PLCH1: variants seen among roughly 807,000 people sequenced by gnomAD.
PLCH1 encodes 1-phosphatidylinositol 4,5-bisphosphate phosphodiesterase eta-1.
Under a neutral mutation model 126.7 loss-of-function variants are expected in PLCH1, and 60 were observed. The observed-to-expected ratio is 0.47, with a 90% CI of 0.38 to 0.59. The LOEUF (loss-of-function observed/expected upper bound fraction) is 0.59, where lower values mean the gene tolerates loss of function less well. Ranked by LOEUF, PLCH1 falls within the 20% of genes least tolerant of loss-of-function variation. The pLI, the probability that PLCH1 is intolerant of heterozygous loss-of-function variation, is 0.00. For synonymous variants in PLCH1, 719 were observed against 734.9 expected (o/e 0.98, Z 0.35); for missense variants, 1,723 against 2,040.0 (o/e 0.84, Z 2.99).
In PLCH1 at chr3:155,723,132, A is replaced by G. The variant is rs575106862; in HGVS notation, c.-40-18868T>C. Among the ~76,000 whole-genome samples, 19 of 152,272 alleles carry G rather than the reference A, an allele frequency of 1.2e-4. No individual in the cohort carries two copies. The East Asian group carries it at 3.5e-3, about 28-fold the overall frequency. On this transcript the variant is annotated intron_variant, in intron 1 of 22. Transcript: ENST00000460012. Reference sequence around the variant, plus strand: ...ATAAAGGTGTTCATAGTAGCCTTGAATGATCTTTTGTATTTCTGTGGTATC... The same window carrying G: ...ATAAAGGTGTTCATAGTAGCCTTGAGTGATCTTTTGTATTTCTGTGGTATC...
intron 18 of PLCH1, among the ~76,000 whole-genome samples, chr3:155,491,435 G>T (rs1466854629): frequency 6.6e-6 from 1 of 151,736 alleles, no homozygotes; most frequent in African/African-American, 2.4e-5. Flanking sequence ...GCTAATTTTG[G>T]TAATTTTTGT....
At position 155,495,363 on chromosome 3, in the gene PLCH1, C is replaced by T. The variant is rs142961685; in HGVS notation, c.1895-846G>A. On this transcript the variant is annotated intron_variant, in intron 15 of 22. Coordinates refer to ENST00000460012, the MANE Select transcript of PLCH1 (RefSeq NM_014996.4). The stretch of plus-strand genomic sequence containing the variant: ...ATTCCACTCTTGTCTCCAATCCCAC[C>T]TTTTGTACCATATCTACAAAGCCCC... Among the ~76,000 whole-genome samples, 464 of 152,210 alleles carry T rather than the reference C, an allele frequency of 3.0e-3. 1 individual carries two copies. Among genetic ancestry groups the T allele is most frequent in the African/African-American group, 0.011 (446 of 41,512 alleles).
intron 5 of PLCH1, among the ~76,000 whole-genome samples, chr3:155,585,082 C>T (rs548720247): frequency 3.3e-5 from 5 of 152,266 alleles, no homozygotes; most frequent in South Asian, 2.1e-4. Flanking sequence ...TCATTCCTTC[C>T]TCCTCTTCCC....
rs190059916 is a variant in PLCH1 at position 155,693,546 on chromosome 3, T to A, written c.79+10600A>T. 3.4e-4 allele frequency among the ~76,000 whole-genome samples: 52 copies of A among 151,698 alleles called. No homozygotes were observed. In the East Asian group the frequency reaches 8.7e-3, roughly 25 times the overall value. On this transcript the variant is annotated intron_variant, in intron 2 of 22. Coordinates refer to ENST00000460012, the MANE Select transcript of PLCH1 (RefSeq NM_014996.4). ...TTGAGATTATAGACTATTTTTCCCA[T>A]CTTTACTCTTTTCTATGCTTTCCAA...
At chr3:155,686,629 T>C (rs917245227) in intron 2 of PLCH1, among the ~76,000 whole-genome samples, 2 of 152,216 alleles carry the variant, frequency 1.3e-5, no homozygotes, top group African/African-American at 4.8e-5. Context: ...AGCCCATCAC[T>C]GAACCTTTCC....
chr3:155,669,083 G>A (rs147027632), intron 2 of PLCH1, among the ~76,000 whole-genome samples: 32 of 151,340 alleles, frequency 2.1e-4, no homozygotes, highest in Non-Finnish European at 3.2e-4. Context: ...AAATCCACAT[G>A]CCAAAATATC....
At chr3:155,741,002 G>A (rs1178817685) in intron 1 of PLCH1, among the ~76,000 whole-genome samples, 1 of 152,130 alleles carries the variant, frequency 6.6e-6, no homozygotes, top group Non-Finnish European at 1.5e-5. Flanking sequence ...AGCTATCCAC[G>A]TTATCTTGGT....
chr3:155,564,797 G>T, intron 8 of PLCH1, 118 bp downstream of exon 8: 1 of 637,196 alleles, frequency 1.6e-6, no homozygotes, highest in South Asian at 2.0e-5. Context: ...GAGCAGAAAA[G>T]TAGTACTAAT....
At position 155,497,387 on chromosome 3, in the gene PLCH1, G is replaced by A. The variant is rs2108115319; in HGVS notation, c.1827C>T (p.Leu609=). The A allele has an allele frequency of 6.2e-7, 1 of 1,613,952 alleles. No individual in the cohort carries two copies. The highest frequency in any genetic ancestry group is 8.5e-7 in the Non-Finnish European group (1 of 1,179,848). The change falls in exon 15 of 23, where the codon CTC becomes CTT. Residue 609 remains leucine, a synonymous_variant. Coordinates refer to ENST00000460012, the MANE Select transcript of PLCH1 (RefSeq NM_014996.4). ...RLGRRRKTMK[L]CRELSDLVVY... is the part of the protein sequence containing the mutation. ...CAACCAAATCAGAGAGTTCTCGGCA[G>A]AGCTTCATGGTTTTCCTTCGGCGAC...
chr3:155,509,043 G>A (rs1195797551), intron 12 of PLCH1, among the ~76,000 whole-genome samples: 7 of 137,398 alleles, frequency 5.1e-5, no homozygotes, highest in African/African-American at 1.8e-4. Context: ...CCTCTTATTG[G>A]TCTATTCAGA....
intron 14 of PLCH1, 22 bp from the exon 15 acceptor site, chr3:155,497,439 T>G: frequency 6.6e-7 from 1 of 1,526,432 alleles, no homozygotes; most frequent in Non-Finnish European, 9.1e-7. Flanking sequence ...CCACAGAGGA[T>G]GCATGACATT....
intron 5 of PLCH1, among the ~76,000 whole-genome samples, chr3:155,584,844 TC>T (rs796265762): frequency 7.3e-5 from 11 of 151,414 alleles, no homozygotes; most frequent in African/African-American, 4.9e-5. Flanking sequence ...ACAGACTTTG[TC>T]CCCCCCCTTT....
rs1314567099 is a variant in PLCH1 at position 155,744,980 on chromosome 3, C to G, written c.-181G>C. 2 of 152,578 alleles carry G rather than the reference C, an allele frequency of 1.3e-5. No homozygotes were observed. Among genetic ancestry groups the G allele is most frequent in the Admixed American group, 6.5e-5 (1 of 15,272 alleles). The allele number at this position is 152,578 out of a possible 1,614,324, so 9.5% of individuals were successfully genotyped here. Reference sequence around the variant, plus strand: ...CCCCTGCCAAGGGCCAGAAAAGCCCCCCTAGAAGAGCACTTCTCCCCACTA... The same window carrying G: ...CCCCTGCCAAGGGCCAGAAAAGCCCGCCTAGAAGAGCACTTCTCCCCACTA... On this transcript the variant is annotated 5_prime_UTR_variant, in exon 1 of 23. Transcript: ENST00000460012.
chr3:155,701,320 G>T (rs173369), intron 2 of PLCH1, among the ~76,000 whole-genome samples: 1 of 151,972 alleles, frequency 6.6e-6, no homozygotes, highest in Non-Finnish European at 1.5e-5. Flanking sequence ...TATGAATATG[G>T]TTTATGAACT....
At chr3:155,653,961 T>G (rs1045751614) in intron 2 of PLCH1, among the ~76,000 whole-genome samples, 2 of 151,694 alleles carry the variant, frequency 1.3e-5, no homozygotes, top group African/African-American at 4.9e-5. Flanking sequence ...CAAAAAAAAT[T>G]GTCTGTCTCC....
At chr3:155,521,220 G>C (rs1576896671) in intron 11 of PLCH1, among the ~76,000 whole-genome samples, 1 of 152,092 alleles carries the variant, frequency 6.6e-6, no homozygotes, top group Non-Finnish European at 1.5e-5. Flanking sequence ...CTTTAGCACT[G>C]ATCACTGTCT....
At chr3:155,628,549 C>CTTTTTT (rs56820929) in intron 2 of PLCH1, among the ~76,000 whole-genome samples, 9 of 143,354 alleles carry the variant, frequency 6.3e-5, no homozygotes, top group Non-Finnish European at 6.2e-5. Flanking sequence ...CTTCACCTCT[C>CTTTTTT]TTTTTTTTTT....
chr3:155,497,610 T>A (rs1717241992), intron 14 of PLCH1, among the ~76,000 whole-genome samples, 193 bp from the exon 15 acceptor site: 1 of 152,222 alleles, frequency 6.6e-6, no homozygotes, highest in African/African-American at 2.4e-5. Context: ...CCTACTACAG[T>A]AGTCCCCCCT....
intron 5 of PLCH1, among the ~76,000 whole-genome samples, chr3:155,584,988 C>T (rs1158892210): frequency 6.6e-6 from 1 of 152,154 alleles, no homozygotes; most frequent in Non-Finnish European, 1.5e-5. Context: ...AGAAACATGG[C>T]AAACCTTCCC....
Sources: gnomAD v4.1 joint callset for allele counts (sites outside exome capture counted in the v4.1 genomes callset) on GRCh38, gnomAD v4.1.1 for gene constraint, MANE v1.5 for transcripts, NCBI Gene and HGNC (gene_info 2026-07-23, HGNC 2026-07-21) for gene names.